Variants in DOCK2 observed in about 807,000 individuals in gnomAD.
DOCK2 encodes the protein dedicator of cytokinesis protein 2.
Under a neutral mutation model 248.9 loss-of-function variants are expected in DOCK2, and 87 were observed. The ratio of observed to expected loss-of-function variants is 0.35; its 90% CI spans 0.29 to 0.42. DOCK2 has a LOEUF of 0.42. DOCK2 is among the 10% of genes least tolerant of loss of function. The probability of loss-of-function intolerance (pLI) is 1.00; values close to 1 mark genes in which losing one functional copy is unlikely to be tolerated. For missense variants in DOCK2, 1,747 were observed against 2,300.2 expected, an observed-to-expected ratio of 0.76 and a Z score of 4.92; for synonymous variants, 805 against 821.6, an observed-to-expected ratio of 0.98 and a Z score of 0.35.
At chr5:169,813,412 G>C (rs947299447) in intron 26 of DOCK2, among the ~76,000 whole-genome samples, 1 of 152,070 alleles carries the variant, frequency 6.6e-6, no homozygotes, top group African/African-American at 2.4e-5. Flanking sequence ...ACCAGAAAGG[G>C]GGTGTTAATG....
intron 22 of DOCK2, among the ~76,000 whole-genome samples, chr5:169,744,578 T>G (rs1278345020): frequency 3.3e-5 from 5 of 151,042 alleles, no homozygotes; most frequent in Non-Finnish European, 5.9e-5. Flanking sequence ...GAGAGTTTAT[T>G]TTAAAGATAT....
In DOCK2 at chr5:170,083,035, C is replaced by T; in HGVS notation, c.*177C>T. On this transcript the variant is annotated 3_prime_UTR_variant, in exon 52 of 52. Transcript: ENST00000520908. Reference sequence around the variant, plus strand: ...AGAGCTTGAATGCTAACAAGCCCAGCATCCCCTGGGGCTGTGATCATGGTG... The same window carrying T: ...AGAGCTTGAATGCTAACAAGCCCAGTATCCCCTGGGGCTGTGATCATGGTG... The T allele has an allele frequency of 1.4e-6, 1 of 694,562 alleles. No homozygotes were observed. The highest frequency in any genetic ancestry group is 2.4e-6 in the Non-Finnish European group (1 of 417,204). The allele number at this position is 694,562 out of a possible 1,614,324, so 43.0% of individuals were successfully genotyped here. A position where few individuals can be genotyped will look rare whatever the true frequency, so the allele number is the denominator to read the frequency against.
chr5:169,877,228 A>G (rs1243792789), intron 27 of DOCK2, among the ~76,000 whole-genome samples: 1 of 152,242 alleles, frequency 6.6e-6, no homozygotes, highest in Non-Finnish European at 1.5e-5. Context: ...GAGGAGCCAC[A>G]GACTACCTGA....
In DOCK2 at chr5:170,041,889, A is replaced by C. The variant is rs1756530392; in HGVS notation, c.3757-124A>C. 3 of 1,219,226 alleles carry C rather than the reference A, an allele frequency of 2.5e-6. No homozygotes were observed. In the African/African-American group the frequency reaches 4.6e-5, roughly 19 times the overall value. The allele number at this position is 1,219,226 out of a possible 1,614,324, so 75.5% of individuals were successfully genotyped here. ...TCCAGAAATAAGCTGAGTTCAAGAA[A>C]GGAGGAGAGATGGAAAGGACAGGGT... On this transcript the variant is annotated intron_variant, in intron 37 of 51. Coordinates refer to ENST00000520908, the MANE Select transcript of DOCK2 (RefSeq NM_004946.3).
chr5:169,863,052 A>G (rs1374041202), intron 27 of DOCK2, among the ~76,000 whole-genome samples: 1 of 152,246 alleles, frequency 6.6e-6, no homozygotes, highest in Non-Finnish European at 1.5e-5. Flanking sequence ...AAGAGTATAT[A>G]GCAATTACTT....
At chr5:170,008,372 G>T in intron 30 of DOCK2, 125 bp from the exon 31 acceptor site, 1 of 940,146 alleles carries the variant, frequency 1.1e-6, no homozygotes. Context: ...AAATTGCAGT[G>T]GGCACAATTA....
At chr5:169,979,514 T>A (rs1777864539) in intron 27 of DOCK2, among the ~76,000 whole-genome samples, 1 of 152,220 alleles carries the variant, frequency 6.6e-6, no homozygotes, top group Non-Finnish European at 1.5e-5. Flanking sequence ...AGGAGACTTT[T>A]CTGAATATGA....
Position 170,041,978 on chromosome 5 carries a change from G to A in DOCK2, c.3757-35G>A, listed in dbSNP as rs764945704. 8.1e-5 allele frequency: 131 copies of A among 1,607,842 alleles called. No individual in the cohort carries two copies. In the East Asian group the frequency reaches 2.4e-3, roughly 29 times the overall value. ...AGACACCTGCTCTTGGCAGCCTCTC[G>A]GCCCTGTGTGACTTCCTGTGTCTTC... On this transcript the variant is annotated intron_variant, in intron 37 of 51. Coordinates refer to ENST00000520908, the MANE Select transcript of DOCK2 (RefSeq NM_004946.3).
intron 2 of DOCK2, 142 bp downstream of exon 2, chr5:169,654,628 T>C: frequency 1.3e-6 from 1 of 760,664 alleles, no homozygotes; most frequent in Non-Finnish European, 2.1e-6. Flanking sequence ...TAATTAGAAT[T>C]TACTAAACAG....
chr5:169,737,632 G>T (rs538528060), intron 22 of DOCK2, among the ~76,000 whole-genome samples: 55 of 152,108 alleles, frequency 3.6e-4, no homozygotes, highest in Non-Finnish European at 5.3e-4. Context: ...GAGGGGAGAG[G>T]GTTGAAGTTA....
chr5:169,943,811 C>T (rs79629794), intron 27 of DOCK2, among the ~76,000 whole-genome samples: 1 of 152,140 alleles, frequency 6.6e-6, no homozygotes, highest in South Asian at 2.1e-4. Flanking sequence ...TTAGCCAGCC[C>T]CCAAGGTGAC....
At chr5:170,067,241 C>T (rs1348201350) in intron 44 of DOCK2, among the ~76,000 whole-genome samples, 2 of 151,640 alleles carry the variant, frequency 1.3e-5, no homozygotes, top group African/African-American at 4.9e-5. Flanking sequence ...AAGAGAAAAC[C>T]TTCTCTGGGG....
At chr5:169,840,928 T>C (rs1769923415) in intron 27 of DOCK2, 76 bp downstream of exon 27, 1 of 1,477,110 alleles carries the variant, frequency 6.8e-7, no homozygotes. Context: ...AAAAGGCAGA[T>C]CACATTGAAC....
chr5:169,780,466 C>A (rs1228362891), intron 25 of DOCK2, among the ~76,000 whole-genome samples: 2 of 152,144 alleles, frequency 1.3e-5, no homozygotes, highest in Non-Finnish European at 2.9e-5. Flanking sequence ...AGCTTCTGGG[C>A]AGGTTGACGG....
chr5:169,791,170 G>C (rs1766315909), intron 25 of DOCK2, among the ~76,000 whole-genome samples: 1 of 151,560 alleles, frequency 6.6e-6, no homozygotes, highest in South Asian at 2.1e-4. Context: ...GATCCTACTG[G>C]ATAACAGGCA....
chr5:170,032,277 C>T (rs577879253), intron 34 of DOCK2, among the ~76,000 whole-genome samples: 28 of 152,226 alleles, frequency 1.8e-4, no homozygotes, highest in Middle Eastern at 6.8e-3. Context: ...CTGCCCACCT[C>T]GGCCTCCCAA....
At chr5:169,939,438 A>T (rs1776139949) in intron 27 of DOCK2, among the ~76,000 whole-genome samples, 1 of 152,122 alleles carries the variant, frequency 6.6e-6, no homozygotes, top group South Asian at 2.1e-4. Flanking sequence ...TTTTATAGTT[A>T]ATTTTTATTA....
intron 27 of DOCK2, among the ~76,000 whole-genome samples, chr5:169,952,953 AAGGG>A (rs1485833517): frequency 6.6e-6 from 1 of 152,210 alleles, no homozygotes; most frequent in Non-Finnish European, 1.5e-5. Flanking sequence ...GATTGTGGTA[AAGGG>A]AAGGCTTCAC....
rs529124240 is a variant in DOCK2 at position 169,741,840 on chromosome 5, C to T, written c.2268-5556C>T. 1.3e-4 allele frequency among the ~76,000 whole-genome samples: 18 copies of T among 136,040 alleles called. 1 individual carries two copies. In the South Asian group the frequency reaches 1.6e-3, roughly 12 times the overall value. The allele number at this position is 136,040 out of a possible 152,430, so 89.2% of individuals were successfully genotyped here. ...TTTTTTTTTTTTTGAGACGGAGTCT[C>T]GCTCTGTCTCCCAGGCTGGAGTGCA... On this transcript the variant is annotated intron_variant, in intron 22 of 51. Transcript: ENST00000520908.
Sources: gnomAD v4.1 joint callset for allele counts (sites outside exome capture counted in the v4.1 genomes callset) on GRCh38, gnomAD v4.1.1 for gene constraint, MANE v1.5 for transcripts, NCBI Gene and HGNC (gene_info 2026-07-23, HGNC 2026-07-21) for gene names.